The following FUT8 variants were observed in gnomAD, a reference collection of about 807,000 sequenced individuals.
FUT8 encodes fucosyltransferase 8, also known as alpha-(1,6)-fucosyltransferase.
FUT8 carries 29 observed loss-of-function variants against 71.3 expected under a neutral mutation model. The observed-to-expected ratio is 0.41, with a 90% CI of 0.30 to 0.55. The LOEUF (loss-of-function observed/expected upper bound fraction) is 0.55, where lower values mean the gene tolerates loss of function less well. FUT8 is among the 20% of genes least tolerant of loss of function. FUT8 has a pLI of 0.34. For synonymous variants in FUT8, 254 were observed against 239.3 expected (o/e 1.06, Z -0.57); for missense variants, 544 against 702.1 (o/e 0.77, Z 2.55).
At chr14:65,387,610 C>T in the FUT8 span, among the ~76,000 whole-genome samples, 1 of 152,178 alleles carries the variant, frequency 6.6e-6, no homozygotes, top group Non-Finnish European at 1.5e-5. Context: ...CAGGACTCCG[C>T]CTCTCTGAAT....
At chr14:65,734,729 A>G (rs1896135572) in intron 10 of FUT8, among the ~76,000 whole-genome samples, 1 of 152,188 alleles carries the variant, frequency 6.6e-6, no homozygotes, top group Non-Finnish European at 1.5e-5. Context: ...ACCTCCAAAC[A>G]TTCTTGATGC....
chr14:65,522,845 A>G (rs1162124449), intron 2 of FUT8, among the ~76,000 whole-genome samples: 6 of 151,296 alleles, frequency 4.0e-5, no homozygotes, highest in African/African-American at 1.5e-4. Flanking sequence ...TCCTTGCGAT[A>G]GTTTGCTCAG....
intron 3 of FUT8, among the ~76,000 whole-genome samples, chr14:65,572,029 T>A (rs1886506103): frequency 6.6e-6 from 1 of 152,180 alleles, no homozygotes; most frequent in African/African-American, 2.4e-5. Context: ...GTCTTACAAG[T>A]TTTTTGTAAA....
At chr14:65,606,073 GTT>G (rs34986420) in intron 3 of FUT8, among the ~76,000 whole-genome samples, 57 of 118,152 alleles carry the variant, frequency 4.8e-4, no homozygotes, top group Middle Eastern at 4.1e-3. Flanking sequence ...AAAATTGTTA[GTT>G]TTTTTTTTTT....
rs367575714 is a variant in FUT8, at chr14:65,511,402, A to G, written c.-227-49935A>G. On this transcript the variant is annotated intron_variant, in intron 2 of 10. Coordinates refer to ENST00000673929, the MANE Select transcript of FUT8 (RefSeq NM_001371533.1). ...GTATATTCTGTAGCTGTTGGAAGAA[A>G]TATTCTTTAAATATCTATTAGATCC... Among the ~76,000 whole-genome samples the G allele has an allele frequency of 5.9e-5, 9 of 152,276 alleles. No homozygotes were observed. In the East Asian group the frequency reaches 1.7e-3, roughly 29 times the overall value.
At chr14:65,522,813 A>G (rs1243841867) in intron 2 of FUT8, among the ~76,000 whole-genome samples, 1 of 149,114 alleles carries the variant, frequency 6.7e-6, no homozygotes, top group African/African-American at 2.5e-5. Context: ...ATGAGTGAGA[A>G]CATGTGGTAT....
rs1328516573 is a variant in FUT8, at chr14:65,413,396, C to T, written c.-326+182C>T. The stretch of plus-strand genomic sequence containing the variant: ...GGAGGGAGCCCCCGGGACGCTCTGG[C>T]GGATGCCTTGGCGCAGCCCCGGGGG... On this transcript the variant is annotated intron_variant, in intron 1 of 10. Coordinates refer to ENST00000673929, the MANE Select transcript of FUT8 (RefSeq NM_001371533.1). This position sits in a 1 kb window ranked among gnomAD's most constrained non-coding sequence, Gnocchi z 4.1. Among the ~76,000 whole-genome samples the T allele has an allele frequency of 6.6e-6, 1 of 152,114 alleles. No individual in the cohort carries two copies. Among genetic ancestry groups the T allele is most frequent in the Non-Finnish European group, 1.5e-5 (1 of 68,016 alleles).
intron 6 of FUT8, among the ~76,000 whole-genome samples, chr14:65,659,209 A>G (rs1353361478): frequency 6.6e-6 from 1 of 151,912 alleles, no homozygotes; most frequent in East Asian, 1.9e-4. Context: ...TTTTTCATTA[A>G]AAAAACAATA....
At chr14:65,534,903 TTGTG>T (rs1341521957) in intron 2 of FUT8, among the ~76,000 whole-genome samples, 1 of 151,776 alleles carries the variant, frequency 6.6e-6, no homozygotes, top group Non-Finnish European at 1.5e-5. Context: ...GGATGATTTT[TTGTG>T]TGTGTGTTTC....
At chr14:65,629,640 A>G (rs750422737) in intron 6 of FUT8, 34 bp downstream of exon 6, 2 of 1,432,102 alleles carry the variant, frequency 1.4e-6, no homozygotes, top group South Asian at 1.1e-5. Context: ...AATTTGAGTG[A>G]AAAAAAGAAG....
intron 7 of FUT8, among the ~76,000 whole-genome samples, chr14:65,682,474 C>T (rs1490638041): frequency 1.3e-5 from 2 of 151,888 alleles, no homozygotes; most frequent in African/African-American, 4.8e-5. Context: ...CATTGCACTC[C>T]AGCCTGGGCA....
At chr14:65,678,282 A>G (rs370745045) in intron 7 of FUT8, among the ~76,000 whole-genome samples, 10 of 152,196 alleles carry the variant, frequency 6.6e-5, no homozygotes, top group African/African-American at 2.4e-4. Context: ...CATCCTCCCA[A>G]AGAGAGCCAG....
chr14:65,514,479 G>T (rs1882572756), intron 2 of FUT8, among the ~76,000 whole-genome samples: 1 of 152,186 alleles, frequency 6.6e-6, no homozygotes, highest in Non-Finnish European at 1.5e-5. Context: ...ATGTACGTAT[G>T]TATGACCAAA....
rs529870582 is a variant in FUT8, at chr14:65,509,441, TA to T, written c.-227-51895del. On this transcript the variant is annotated intron_variant, in intron 2 of 10. Coordinates refer to ENST00000673929, the MANE Select transcript of FUT8 (RefSeq NM_001371533.1). ...TCCCTATAAATTTTAGGGTTTTTTT[TA>T]TATCTCTGTTAAGAGTGTCATTGGT... is the stretch of plus-strand genomic sequence containing the variant. Among the ~76,000 whole-genome samples the T allele has an allele frequency of 1.7e-4, 26 of 152,266 alleles. No individual in the cohort carries two copies. The South Asian group carries it at 5.2e-3, about 30-fold the overall frequency.
intron 9 of FUT8, among the ~76,000 whole-genome samples, chr14:65,728,497 G>A (rs1895799462): frequency 6.6e-6 from 1 of 152,150 alleles, no homozygotes. Context: ...GGAAAGGTTT[G>A]GGGACCCAGC....
At chr14:65,414,071 G>A (rs988453809) in intron 1 of FUT8, among the ~76,000 whole-genome samples, 7 of 152,116 alleles carry the variant, frequency 4.6e-5, no homozygotes, top group Non-Finnish European at 8.8e-5. Flanking sequence ...TCCTTCCTAT[G>A]TTTTAATTAT....
At chr14:65,615,413 T>C (rs1202150479) in intron 3 of FUT8, among the ~76,000 whole-genome samples, 1 of 152,210 alleles carries the variant, frequency 6.6e-6, no homozygotes, top group Non-Finnish European at 1.5e-5. Context: ...GGCCCAATTT[T>C]TTTCTAATAT....
At chr14:65,562,206 A>G (rs1328982288) in intron 3 of FUT8, among the ~76,000 whole-genome samples, 3 of 152,136 alleles carry the variant, frequency 2.0e-5, no homozygotes, top group Non-Finnish European at 2.9e-5. Flanking sequence ...TTTCATTTAT[A>G]TACTTACATT....
chr14:65,687,747 C>A (rs1488580079), intron 7 of FUT8, among the ~76,000 whole-genome samples: 5 of 151,492 alleles, frequency 3.3e-5, no homozygotes, highest in Non-Finnish European at 5.9e-5. Flanking sequence ...TTCTCCCCAA[C>A]CTTTTTAAGA....
Sources: allele counts gnomAD v4.1 joint callset (sites outside exome capture counted in the v4.1 genomes callset), GRCh38; gene constraint gnomAD v4.1.1; non-coding constraint Gnocchi (gnomAD v3.1); transcripts MANE v1.5; gene names NCBI Gene and HGNC (gene_info 2026-07-23, HGNC 2026-07-21).